Variants in SLK observed in about 807,000 individuals in gnomAD.
The protein encoded by SLK is STE20-like serine/threonine-protein kinase.
In SLK, 67 loss-of-function variants were observed where a neutral mutation model predicts 147.7. That is an observed-to-expected ratio of 0.45 (90% CI 0.37 to 0.56). The LOEUF is 0.56. SLK is among the 20% of genes least tolerant of loss of function. SLK has a pLI of 0.00. For missense variants in SLK, 1,136 were observed against 1,438.8 expected (o/e 0.79, Z 3.41); for synonymous variants, 441 against 475.0 (o/e 0.93, Z 0.93).
At chr10:104,001,648 A>G in intron 8 of SLK, 76 bp downstream of exon 8, 3 of 1,523,282 alleles carry the variant, frequency 2.0e-6, no homozygotes, top group Non-Finnish European at 2.7e-6. Flanking sequence ...GTATCTAAGG[A>G]TTGATGGGTG....
At chr10:104,000,600 G>A (rs759983709) in intron 7 of SLK, among the ~76,000 whole-genome samples, 40 of 152,190 alleles carry the variant, frequency 2.6e-4, no homozygotes, top group Non-Finnish European at 5.1e-4. Context: ...GACAGACACT[G>A]TTAAATGTTG....
At chr10:103,993,984 C>T (rs113801340) in intron 4 of SLK, among the ~76,000 whole-genome samples, 1 of 151,944 alleles carries the variant, frequency 6.6e-6, no homozygotes, top group African/African-American at 2.4e-5. Flanking sequence ...AGCCTTGAAC[C>T]CCTGGGCTCC....
chr10:103,975,728 A>G (rs1385329649), intron 1 of SLK, among the ~76,000 whole-genome samples: 1 of 152,140 alleles, frequency 6.6e-6, no homozygotes, highest in Non-Finnish European at 1.5e-5. Context: ...ATGAAATATT[A>G]TAGTTTATCC....
intron 1 of SLK, among the ~76,000 whole-genome samples, chr10:103,982,149 G>C (rs1438236415): frequency 1.3e-5 from 2 of 152,020 alleles, no homozygotes; most frequent in South Asian, 4.2e-4. Flanking sequence ...ATTTCCAGAC[G>C]TGGTACATTT....
chr10:104,006,116 A>G lies in SLK; in HGVS notation c.2604+81A>G, dbSNP rs1000291593. 2.9e-6 allele frequency: 4 copies of G among 1,395,918 alleles called. No individual in the cohort carries two copies. The African/African-American group carries it at 4.5e-5, about 16-fold the overall frequency. 86.5% of individuals were successfully genotyped at this position (1,395,918 alleles called of 1,614,324 possible). ...CTGCATTAAAAACAGACAAACAAAA[A>G]AGGTTGTAGAACTTGTTCTCTGATT... On this transcript the variant is annotated intron_variant, in intron 11 of 18. Coordinates refer to ENST00000369755, the MANE Select transcript of SLK (RefSeq NM_014720.4).
intron 6 of SLK, 150 bp from the exon 7 acceptor site, chr10:103,999,717 A>G (rs1844220414): frequency 7.8e-6 from 4 of 510,206 alleles, no homozygotes; most frequent in East Asian, 6.3e-5. Context: ...AAGTTTTACA[A>G]AATCTTAATA....
intron 13 of SLK, among the ~76,000 whole-genome samples, chr10:104,012,779 T>G (rs1319421304): frequency 2.0e-5 from 3 of 152,240 alleles, no homozygotes; most frequent in African/African-American, 7.2e-5. Context: ...CCATGTCTTG[T>G]TACCAAGTGA....
intron 1 of SLK, among the ~76,000 whole-genome samples, chr10:103,970,522 C>T (rs1843778933): frequency 6.6e-6 from 1 of 152,124 alleles, no homozygotes. Flanking sequence ...TTTCATTTCA[C>T]TACTCTCTGC....
intron 8 of SLK, among the ~76,000 whole-genome samples, chr10:104,001,867 C>T (rs1456040418): frequency 1.3e-5 from 2 of 152,018 alleles, no homozygotes; most frequent in East Asian, 1.9e-4. Flanking sequence ...AGGCATGCGC[C>T]ACCACACCCA....
chr10:104,022,132 G>C (rs887081819), intron 18 of SLK, among the ~76,000 whole-genome samples: 1 of 152,096 alleles, frequency 6.6e-6, no homozygotes, highest in Non-Finnish European at 1.5e-5. Context: ...AGAAGAGAAT[G>C]AGTGAAAAGG....
chr10:104,003,483 A>C lies in SLK; in HGVS notation c.2305A>C (p.Ser769Arg), dbSNP rs779694735. Residue 769 changes from serine to arginine, a missense_variant, in exon 9 of 19, where the codon AGC (serine) becomes CGC (arginine). Physicochemically the swap from Ser to Arg is moderately radical, Grantham distance 110. Transcript: ENST00000369755. ...TATTGACTTGAATTTATCCATCTCTAGCTTTCTAAGTAAAACTAAAGACAG... is the reference window on the plus strand; with the variant it reads ...TATTGACTTGAATTTATCCATCTCTCGCTTTCTAAGTAAAACTAAAGACAG... ...SSIDLNLSISSFLSKTKDSGS... is the reference protein window; with the variant it reads ...SSIDLNLSISRFLSKTKDSGS... The C allele has an allele frequency of 1.2e-6, 2 of 1,602,022 alleles. No individual in the cohort carries two copies. Among genetic ancestry groups the C allele is most frequent in the South Asian group, 2.2e-5 (2 of 89,886 alleles).
At chr10:104,010,642 T>C (rs981514127) in intron 12 of SLK, among the ~76,000 whole-genome samples, 174 bp from the exon 13 acceptor site, 6 of 152,216 alleles carry the variant, frequency 3.9e-5, no homozygotes, top group Non-Finnish European at 8.8e-5. Flanking sequence ...TGCACTGAGA[T>C]TATGCATGTT....
Position 104,019,966 on chromosome 10 carries a change from T to G in SLK, c.3321+44T>G, listed in dbSNP as rs752109429. On this transcript the variant is annotated intron_variant, in intron 16 of 18. Transcript: ENST00000369755. ...CTCTTCTCTTTTAGGTTTAAAATTT[T>G]TGAATGACCATTAGAAGTTCTACAA... The G allele has an allele frequency of 7.5e-6, 11 of 1,461,142 alleles. No homozygotes were observed. In the East Asian group the frequency reaches 2.5e-4, roughly 33 times the overall value. The allele number at this position is 1,461,142 out of a possible 1,614,324, so 90.5% of individuals were successfully genotyped here.
At position 104,003,378 on chromosome 10, in the gene SLK, A is replaced by C; in HGVS notation, c.2200A>C (p.Thr734Pro). Residue 734 changes from threonine (T) to proline (P), a missense_variant, in exon 9 of 19, where the codon ACT becomes CCT. Thr to Pro is a conservative substitution (Grantham distance 38, BLOSUM62 -1). Coordinates refer to ENST00000369755, the MANE Select transcript of SLK (RefSeq NM_014720.4). Reference sequence around the variant, plus strand: ...AATAGGTTCTTTATCAAAAACTGAAACTATTCTGCCACCAGAATCTGAGAA... The same window carrying C: ...AATAGGTTCTTTATCAAAAACTGAACCTATTCTGCCACCAGAATCTGAGAA... ...EEIGSLSKTE[T>P]ILPPESENPK... is the part of the protein sequence containing the mutation. The C allele has an allele frequency of 6.2e-7, 1 of 1,614,076 alleles. No individual in the cohort carries two copies. The highest frequency in any genetic ancestry group is 8.5e-7 in the Non-Finnish European group (1 of 1,179,972).
intron 1 of SLK, among the ~76,000 whole-genome samples, chr10:103,980,141 A>G (rs1220906930): frequency 6.6e-6 from 1 of 152,190 alleles, no homozygotes; most frequent in African/African-American, 2.4e-5. Context: ...TGCTTCCATC[A>G]TATAATGGAT....
chr10:103,971,404 A>C (rs1323460902), intron 1 of SLK, among the ~76,000 whole-genome samples: 1 of 152,110 alleles, frequency 6.6e-6, no homozygotes, highest in Non-Finnish European at 1.5e-5. Context: ...CCTCCGGAGT[A>C]GTTGGGATTA....
chr10:103,971,123 AAC>A (rs749730834), intron 1 of SLK, among the ~76,000 whole-genome samples: 122 of 152,306 alleles, frequency 8.0e-4, no homozygotes, highest in African/African-American at 2.6e-3. Flanking sequence ...GTACACATTT[AAC>A]AGTTACTTCC....
intron 4 of SLK, among the ~76,000 whole-genome samples, 153 bp downstream of exon 4, chr10:103,993,286 A>G (rs1255821252): frequency 6.6e-6 from 1 of 152,148 alleles, no homozygotes; most frequent in Non-Finnish European, 1.5e-5. Context: ...TTTTAGGTAA[A>G]TACTCATTTT....
intron 1 of SLK, among the ~76,000 whole-genome samples, chr10:103,973,262 T>C (rs1234148757): frequency 2.6e-5 from 4 of 152,202 alleles, no homozygotes; most frequent in Non-Finnish European, 5.9e-5. Flanking sequence ...GATACACAAT[T>C]GTCCCAGAAC....
Sources: allele counts gnomAD v4.1 joint callset (sites outside exome capture counted in the v4.1 genomes callset), GRCh38; gene constraint gnomAD v4.1.1; transcripts MANE v1.5; gene names NCBI Gene and HGNC (gene_info 2026-07-23, HGNC 2026-07-21).